ARHGEF18: variants seen among roughly 807,000 people sequenced by gnomAD.
The protein encoded by ARHGEF18 is rho guanine nucleotide exchange factor 18.
In ARHGEF18, 93 loss-of-function variants were observed where a neutral mutation model predicts 155.7. The observed-to-expected ratio is 0.60, with a 90% CI of 0.50 to 0.71. The LOEUF is 0.71. ARHGEF18 is among the 30% of genes least tolerant of loss of function. The pLI, the probability that ARHGEF18 is intolerant of heterozygous loss-of-function variation, is 0.00. For missense variants in ARHGEF18, 1,593 were observed against 1,816.1 expected (o/e 0.88, Z 2.23); for synonymous variants, 742 against 753.1 (o/e 0.99, Z 0.24).
At position 7,468,815 on chromosome 19, in the gene ARHGEF18, G is replaced by C. The variant is rs371287721; in HGVS notation, c.3481-10G>C. 166 of 1,534,576 alleles carry C rather than the reference G, an allele frequency of 1.1e-4. No homozygotes were observed. Among genetic ancestry groups the C allele is most frequent in the Admixed American group, 1.4e-4 (7 of 51,446 alleles). ...CCTCACATTGGATGTATCTGCTGTT[G>C]TCCCCTCAGGCCCAGCCCCCAAGCC... On this transcript the variant is annotated splice_polypyrimidine_tract_variant and intron_variant, in intron 26 of 28. Coordinates refer to ENST00000668164, the MANE Select transcript of ARHGEF18 (RefSeq NM_001367823.1).
intron 1 of ARHGEF18, among the ~76,000 whole-genome samples, chr19:7,358,460 C>T (rs1249823804): frequency 6.6e-6 from 1 of 152,044 alleles, no homozygotes; most frequent in African/African-American, 2.4e-5. Flanking sequence ...ATCCATCTAC[C>T]TATCCAACCA....
chr19:7,467,663 G>A lies in ARHGEF18; in HGVS notation c.3459G>A (p.Leu1153=). The change falls in exon 26 of 29, where the codon CTG becomes CTA. Residue 1153 remains leucine, a synonymous_variant. Coordinates refer to ENST00000668164, the MANE Select transcript of ARHGEF18 (RefSeq NM_001367823.1). The part of the protein sequence containing the change: ...LKKQNTAPGA[L]PPDTLAEAQP... ...AGCAGAACACCGCGCCAGGCGCGCT[G>A]CCGCCCGACACACTGGCCGAGGTGA... The A allele has an allele frequency of 6.6e-7, 1 of 1,510,962 alleles. No homozygotes were observed. The highest frequency in any genetic ancestry group is 8.8e-7 in the Non-Finnish European group (1 of 1,137,710). The allele number at this position is 1,510,962 out of a possible 1,614,324, so 93.6% of individuals were successfully genotyped here. A position where few individuals can be genotyped will look rare whatever the true frequency, so the allele number is the denominator to read the frequency against.
intron 10 of ARHGEF18, among the ~76,000 whole-genome samples, chr19:7,385,909 T>C (rs1443347354): frequency 6.2e-5 from 3 of 48,240 alleles, no homozygotes; most frequent in African/African-American, 5.8e-4. Flanking sequence ...TCTCTCTCCC[T>C]CTCTCCCTCT....
chr19:7,398,245 A>G (rs2145556025), intron 10 of ARHGEF18, among the ~76,000 whole-genome samples: 1 of 151,378 alleles, frequency 6.6e-6, no homozygotes, highest in East Asian at 2.0e-4. Context: ...AATTTTTTGT[A>G]TTTTTAGTAG....
At chr19:7,426,701 T>C (rs1224869650) in intron 10 of ARHGEF18, among the ~76,000 whole-genome samples, 1 of 152,118 alleles carries the variant, frequency 6.6e-6, no homozygotes, top group Non-Finnish European at 1.5e-5. Flanking sequence ...AGAGAACGTT[T>C]GCTCAGAATG....
In ARHGEF18 at chr19:7,372,839, G is replaced by T. The variant is rs879240511; in HGVS notation, c.43G>T (p.Glu15Ter). 1 of 1,234,496 alleles carries T rather than the reference G, an allele frequency of 8.1e-7. No homozygotes were observed. The highest frequency in any genetic ancestry group is 1.5e-5 in the African/African-American group (1 of 64,632). The allele number at this position is 1,234,496 out of a possible 1,614,324, so 76.5% of individuals were successfully genotyped here. The change falls in exon 3 of 29, where the codon GAG becomes TAG. Residue 15 changes from glutamate to a stop codon, truncating the protein, a stop_gained. Transcript: ENST00000668164. LOFTEE classifies it high-confidence loss of function. The part of the protein sequence containing the change: ...QEDDFPRRLS[E>*]SMEDLSLDLG... ...GGATGATTTTCCCAGGCGGCTCAGC[G>T]AGAGTATGGAGGACCTCAGCCTGGA...
intron 10 of ARHGEF18, among the ~76,000 whole-genome samples, chr19:7,437,708 A>G (rs1254557302): frequency 1.3e-5 from 2 of 148,948 alleles, no homozygotes; most frequent in African/African-American, 5.0e-5. Flanking sequence ...CGGTGGCATG[A>G]TGTCAGCTCA....
intron 15 of ARHGEF18, among the ~76,000 whole-genome samples, chr19:7,447,617 G>C (rs1284458060): frequency 1.3e-5 from 2 of 152,170 alleles, no homozygotes; most frequent in African/African-American, 4.8e-5. Flanking sequence ...TTATGTAGCA[G>C]TGATTTTTCA....
At chr19:7,450,920 C>CGGG (rs1568348383) in intron 15 of ARHGEF18, among the ~76,000 whole-genome samples, 141 of 920 alleles carry the variant, frequency 0.15, 16 homozygotes, top group Non-Finnish European at 0.24. Flanking sequence ...GATGTTAATG[C>CGGG]AGGATCTTGC....
chr19:7,382,278 C>T (rs992300647), intron 8 of ARHGEF18, among the ~76,000 whole-genome samples: 1 of 152,052 alleles, frequency 6.6e-6, no homozygotes, highest in African/African-American at 2.4e-5. Flanking sequence ...CACCTGTGGT[C>T]CCAGCTACTC....
rs984178845 is a variant in ARHGEF18, at chr19:7,381,196, C to T, written c.722+202C>T. On this transcript the variant is annotated intron_variant, in intron 8 of 28. Coordinates refer to ENST00000668164, the MANE Select transcript of ARHGEF18 (RefSeq NM_001367823.1). ...GAGGAAGACTTCCTGGAGGAGGTGA[C>T]GATGTAAGCAGGGTTCTGACGGAAG... Among the ~76,000 whole-genome samples the T allele has an allele frequency of 4.6e-5, 7 of 151,566 alleles. No homozygotes were observed. The East Asian group carries it at 5.8e-4, about 13-fold the overall frequency.
At chr19:7,421,017 A>G (rs1177858626) in intron 10 of ARHGEF18, among the ~76,000 whole-genome samples, 6 of 151,964 alleles carry the variant, frequency 3.9e-5, no homozygotes, top group Non-Finnish European at 7.4e-5. Context: ...TGCCGCCTCC[A>G]CCTTCCGGGC....
At chr19:7,455,134 C>T (rs1454701132) in intron 17 of ARHGEF18, among the ~76,000 whole-genome samples, 2 of 152,134 alleles carry the variant, frequency 1.3e-5, no homozygotes, top group Non-Finnish European at 2.9e-5. Flanking sequence ...CAAATGACAG[C>T]ACTTGCCCAC....
intron 10 of ARHGEF18, among the ~76,000 whole-genome samples, chr19:7,388,917 A>G (rs759999901): frequency 3.2e-4 from 49 of 151,954 alleles, no homozygotes; most frequent in Non-Finnish European, 1.5e-4. Context: ...TTTTAATTTT[A>G]TATTTACAGG....
rs796949381 is a variant in ARHGEF18 at position 7,362,083 on chromosome 19, G to A, written c.-110-698G>A. Among the ~76,000 whole-genome samples the A allele has an allele frequency of 9.6e-3, 319 of 33,204 alleles. 34 individuals carry two copies. Among genetic ancestry groups the A allele is most frequent in the East Asian group, 0.066 (83 of 1,256 alleles). The allele number at this position is 33,204 out of a possible 152,430, so 21.8% of individuals were successfully genotyped here. ...GGAGAAGGAGAAGGAGAAGGAGAAG[G>A]AGAAGGAGAAGGAGAAGGAGAAGGA... On this transcript the variant is annotated intron_variant, in intron 1 of 28. Coordinates refer to ENST00000668164, the MANE Select transcript of ARHGEF18 (RefSeq NM_001367823.1).
chr19:7,363,537 A>G (rs1187983339), intron 2 of ARHGEF18, among the ~76,000 whole-genome samples: 1 of 151,644 alleles, frequency 6.6e-6, no homozygotes, highest in Non-Finnish European at 1.5e-5. Flanking sequence ...AGGAAGAAAG[A>G]TGAGAAATGT....
Position 7,372,949 on chromosome 19 carries a change from C to T in ARHGEF18, c.153C>T (p.Asp51=). 1 of 1,234,576 alleles carries T rather than the reference C, an allele frequency of 8.1e-7. No homozygotes were observed. Among genetic ancestry groups the T allele is most frequent in the South Asian group, 4.1e-5 (1 of 24,418 alleles). The allele number at this position is 1,234,576 out of a possible 1,614,324, so 76.5% of individuals were successfully genotyped here. A position where few individuals can be genotyped will look rare whatever the true frequency, so the allele number is the denominator to read the frequency against. ...PSHSQPGETP[D]SRPTGEEPGR... is the part of the protein sequence containing the mutation. ...ACAGCCAGCCTGGGGAGACCCCAGA[C>T]AGCCGCCCCACCGGTGAAGAACCAG... The change falls in exon 3 of 29, where the codon GAC becomes GAT. Residue 51 remains aspartate (D), a synonymous_variant. Transcript: ENST00000668164.
chr19:7,382,713 G>A (rs1970805521), intron 8 of ARHGEF18, 79 bp from the exon 9 acceptor site: 2 of 1,047,408 alleles, frequency 1.9e-6, no homozygotes, highest in South Asian at 5.0e-5. Context: ...GGTTGCAGGT[G>A]GATTCCTGAA....
At chr19:7,404,276 C>A (rs1021809215) in intron 10 of ARHGEF18, among the ~76,000 whole-genome samples, 8 of 152,056 alleles carry the variant, frequency 5.3e-5, no homozygotes, top group Non-Finnish European at 1.0e-4. Flanking sequence ...TGATCCCTTC[C>A]CTGTCCTGGC....
Sources: gnomAD v4.1 joint callset for allele counts (sites outside exome capture counted in the v4.1 genomes callset) on GRCh38, gnomAD v4.1.1 for gene constraint, MANE v1.5 for transcripts, NCBI Gene and HGNC (gene_info 2026-07-23, HGNC 2026-07-21) for gene names.